Variants in DMD observed in about 807,000 individuals in gnomAD.
DMD encodes mutant dystrophin.
Under a neutral mutation model 330.1 loss-of-function variants are expected in DMD, and 63 were observed. The ratio of observed to expected loss-of-function variants is 0.19; its 90% CI spans 0.16 to 0.24. The LOEUF (loss-of-function observed/expected upper bound fraction) is 0.24. Ranked by LOEUF, DMD falls within the 10% of genes least tolerant of loss-of-function variation. DMD has a pLI of 1.00. For missense variants in DMD, 3,344 were observed against 2,684.1 expected, an observed-to-expected ratio of 1.25 and a Z score of -5.43; for synonymous variants, 1,223 against 959.8, an observed-to-expected ratio of 1.27 and a Z score of -5.07.
intron 44 of DMD, among the ~76,000 whole-genome samples, chrX:32,048,349 A>AT (rs764200400): frequency 0.012 from 1,205 of 103,489 alleles, 49 homozygotes; most frequent in Admixed American, 0.071. Flanking sequence ...ATGCTTTTAA[A>AT]TTTTTTTTTT....
intron 1 of DMD, among the ~76,000 whole-genome samples, chrX:33,281,045 G>T (rs1025492055): frequency 4.5e-5 from 5 of 111,488 alleles, no homozygotes; most frequent in Admixed American, 9.6e-5. Flanking sequence ...TCTTTACTAT[G>T]GTGAGTTTTC....
At chrX:32,061,007 G>A (rs960785188) in intron 44 of DMD, among the ~76,000 whole-genome samples, 9 of 111,239 alleles carry the variant, frequency 8.1e-5, no homozygotes, top group African/African-American at 2.9e-4. Context: ...CTGGCACATA[G>A]TAAGCCTTCA....
chrX:31,283,948 T>C (rs2052823880), intron 62 of DMD, among the ~76,000 whole-genome samples: 1 of 111,867 alleles, frequency 8.9e-6, no homozygotes, highest in Admixed American at 9.5e-5. Flanking sequence ...TATGTACCAA[T>C]AAACTCATCA....
At chrX:32,819,633 G>A (rs1037391299) in intron 5 of DMD, among the ~76,000 whole-genome samples, 4 of 111,149 alleles carry the variant, frequency 3.6e-5, no homozygotes, top group African/African-American at 1.3e-4. Context: ...TTGCATTCCT[G>A]AGTTTTCACA....
In DMD at chrX:33,189,605, C is replaced by T. The variant is rs1052849325; in HGVS notation, c.31+21677G>A. Among the ~76,000 whole-genome samples the T allele has an allele frequency of 2.7e-5, 3 of 110,239 alleles. No homozygotes were observed. The South Asian group carries it at 1.2e-3, about 43-fold the overall frequency. Reference sequence around the variant, plus strand: ...GGAGGGTAATTTCAGGAAGACTTATCCCTGACAACACGAAAGCATGGTAGT... The same window carrying T: ...GGAGGGTAATTTCAGGAAGACTTATTCCTGACAACACGAAAGCATGGTAGT... On this transcript the variant is annotated intron_variant, in intron 1 of 78. Transcript: ENST00000357033.
chrX:33,219,262 G>A (rs1391946156), intron 1 of DMD, among the ~76,000 whole-genome samples: 3 of 106,781 alleles, frequency 2.8e-5, no homozygotes, highest in Non-Finnish European at 3.9e-5. Context: ...GGGAGTGAAG[G>A]TCCTGGTTCC....
At chrX:32,423,166 C>T (rs776303795) in intron 29 of DMD, among the ~76,000 whole-genome samples, 3 of 109,930 alleles carry the variant, frequency 2.7e-5, no homozygotes, top group South Asian at 3.8e-4. Flanking sequence ...ATTAGTTTTT[C>T]GGCCTTAATG....
intron 48 of DMD, among the ~76,000 whole-genome samples, chrX:31,866,894 T>C (rs946770124): frequency 7.2e-5 from 8 of 111,682 alleles, no homozygotes; most frequent in African/African-American, 2.6e-4. Flanking sequence ...GAGAGTCTTA[T>C]GTTAATAGCC....
At chrX:33,047,498 G>T (rs1010163139) in intron 1 of DMD, among the ~76,000 whole-genome samples, 2 of 110,310 alleles carry the variant, frequency 1.8e-5, no homozygotes, top group African/African-American at 6.6e-5. Context: ...TACTACTGGC[G>T]ATTTTTTTTT....
At chrX:31,606,409 A>G (rs2148258312) in intron 55 of DMD, among the ~76,000 whole-genome samples, 1 of 112,172 alleles carries the variant, frequency 8.9e-6, no homozygotes, top group Admixed American at 9.5e-5. Flanking sequence ...GGGTTCTGTC[A>G]TAGTTTTTGG....
chrX:33,145,361 A>T (rs1199185126), intron 1 of DMD, among the ~76,000 whole-genome samples: 1 of 111,887 alleles, frequency 8.9e-6, no homozygotes. Flanking sequence ...TCTCTTTACT[A>T]CTGAAGCTGG....
chrX:32,144,982 C>T (rs1054584060), intron 44 of DMD, among the ~76,000 whole-genome samples: 1 of 111,543 alleles, frequency 9.0e-6, no homozygotes, highest in Non-Finnish European at 1.9e-5. Context: ...TGTGGTGAGC[C>T]GAGATCGCAC....
At chrX:31,753,127 G>GA (rs200722549) in intron 51 of DMD, among the ~76,000 whole-genome samples, 5,014 of 112,089 alleles carry the variant, frequency 0.045, 112 homozygotes, top group Non-Finnish European at 0.074. Context: ...GGATGTGAAT[G>GA]AATCAGTAGG....
chrX:32,411,711 T>G, intron 30 of DMD, 41 bp downstream of exon 30: 1 of 1,201,027 alleles, frequency 8.3e-7, no homozygotes, highest in Non-Finnish European at 1.1e-6. Context: ...GTTGAAGTAA[T>G]AAAAACAAAA....
At chrX:32,003,887 C>T (rs769119930) in intron 44 of DMD, among the ~76,000 whole-genome samples, 85 of 110,775 alleles carry the variant, frequency 7.7e-4, no homozygotes, top group Middle Eastern at 4.6e-3. Context: ...CCAGATGCTG[C>T]GTGGGGGTTA....
intron 54 of DMD, among the ~76,000 whole-genome samples, chrX:31,640,257 T>C (rs1478277325): frequency 8.9e-6 from 1 of 111,930 alleles, no homozygotes; most frequent in Non-Finnish European, 1.9e-5. Flanking sequence ...TAGCTGAAAA[T>C]TGCAGCCCAG....
intron 13 of DMD, among the ~76,000 whole-genome samples, chrX:32,580,738 T>C (rs890959843): frequency 3.6e-5 from 4 of 112,286 alleles, no homozygotes; most frequent in Non-Finnish European, 7.5e-5. Context: ...CATTTTTTTC[T>C]ATACTTGATA....
At chrX:32,229,743 G>C (rs2097162369) in intron 43 of DMD, among the ~76,000 whole-genome samples, 1 of 79,599 alleles carries the variant, frequency 1.3e-5, no homozygotes, top group Non-Finnish European at 2.4e-5. Context: ...AAGAGTTTGG[G>C]AATAAGTATA....
At chrX:32,484,009 C>T (rs759076504) in intron 21 of DMD, among the ~76,000 whole-genome samples, 270 of 110,474 alleles carry the variant, frequency 2.4e-3, no homozygotes, top group African/African-American at 8.6e-3. Flanking sequence ...TATTTTCCAA[C>T]TAATTTAAGT....
Sources: allele counts gnomAD v4.1 joint callset (sites outside exome capture counted in the v4.1 genomes callset), GRCh38; gene constraint gnomAD v4.1.1; transcripts MANE v1.5; gene names NCBI Gene and HGNC (gene_info 2026-07-23, HGNC 2026-07-21).